CDH4: variants seen among roughly 807,000 people sequenced by gnomAD.
The protein encoded by CDH4 is cadherin-4.
A neutral mutation model predicts 86.0 loss-of-function variants in CDH4; 33 were observed. The observed-to-expected ratio is 0.38, with a 90% CI of 0.29 to 0.51. The LOEUF (loss-of-function observed/expected upper bound fraction) is 0.51, where lower values mean the gene tolerates loss of function less well. Among genes scored for constraint, CDH4 ranks in the 20% least tolerant of loss-of-function variants. The pLI, the probability that CDH4 is intolerant of heterozygous loss-of-function variation, is 0.86. For missense variants in CDH4, 1,114 were observed against 1,307.4 expected (o/e 0.85, Z 2.28); for synonymous variants, 555 against 549.4 (o/e 1.01, Z -0.14).
At chr20:61,660,331 T>A (rs560025440) in intron 2 of CDH4, among the ~76,000 whole-genome samples, 2 of 152,312 alleles carry the variant, frequency 1.3e-5, no homozygotes, top group East Asian at 3.9e-4. Flanking sequence ...ACAAAGAGTG[T>A]TTAATAACTA....
At chr20:61,791,035 G>A (rs546351430) in intron 4 of CDH4, among the ~76,000 whole-genome samples, 1 of 152,262 alleles carries the variant, frequency 6.6e-6, no homozygotes, top group Admixed American at 6.5e-5. Flanking sequence ...CAGAACTCTG[G>A]CATAACCACA....
At chr20:61,399,698 C>T (rs960715637) in intron 2 of CDH4, among the ~76,000 whole-genome samples, 3 of 152,352 alleles carry the variant, frequency 2.0e-5, no homozygotes, top group South Asian at 2.1e-4. Flanking sequence ...CCATCACCCA[C>T]GAAGCACTTG....
chr20:61,868,246 TG>T (rs1983637937), intron 6 of CDH4, among the ~76,000 whole-genome samples: 3 of 152,104 alleles, frequency 2.0e-5, no homozygotes, highest in Admixed American at 2.0e-4. Context: ...GCGGGCATCC[TG>T]GGGCCGTCTG....
intron 1 of CDH4, among the ~76,000 whole-genome samples, chr20:61,253,116 G>A (rs968799328): frequency 5.3e-5 from 8 of 151,580 alleles, no homozygotes; most frequent in Non-Finnish European, 8.8e-5. Flanking sequence ...GGTGCCGGCA[G>A]GACCCGCGCT....
intron 4 of CDH4, among the ~76,000 whole-genome samples, chr20:61,776,962 A>T (rs1352494443): frequency 6.6e-6 from 1 of 152,142 alleles, no homozygotes; most frequent in African/African-American, 2.4e-5. Flanking sequence ...TAAAGATGAG[A>T]TCAGCCTGTG....
At chr20:61,564,974 A>T (rs924220095) in intron 2 of CDH4, among the ~76,000 whole-genome samples, 2 of 151,204 alleles carry the variant, frequency 1.3e-5, no homozygotes, top group African/African-American at 2.4e-5. Context: ...GGATTAAAAA[A>T]TATCACAGGA....
At chr20:61,317,572 A>T (rs1377741527) in intron 2 of CDH4, among the ~76,000 whole-genome samples, 1 of 152,100 alleles carries the variant, frequency 6.6e-6, no homozygotes, top group Non-Finnish European at 1.5e-5. Context: ...CGCCACAGGC[A>T]TGGGGGGCTG....
rs112125891 is a variant in CDH4 at position 61,257,768 on chromosome 20, C to T, written c.169+2831C>T. On this transcript the variant is annotated intron_variant, in intron 2 of 15. Coordinates refer to ENST00000614565, the MANE Select transcript of CDH4 (RefSeq NM_001794.5). ...TGCTTTGTTAATAATTAATGGCCAG[C>T]CCGCCCGGAAGCTGCAGCCTGGTAC... Among the ~76,000 whole-genome samples, 329 of 152,356 alleles carry T rather than the reference C, an allele frequency of 2.2e-3. 3 individuals are homozygous for T. Among genetic ancestry groups the T allele is most frequent in the African/African-American group, 7.3e-3 (305 of 41,578 alleles).
chr20:61,907,378 G>A lies in CDH4; in HGVS notation c.1189-3044G>A, dbSNP rs894948647. Among the ~76,000 whole-genome samples, 8 of 152,306 alleles carry A rather than the reference G, an allele frequency of 5.3e-5. No homozygotes were observed. The East Asian group carries it at 1.5e-3, about 29-fold the overall frequency. On this transcript the variant is annotated intron_variant, in intron 8 of 15. Transcript: ENST00000614565. ...CCGCCCAGGATCCCGTGTGGCCACAGCCTCAGCAAGGGCTGTCCTCTCACA... is the reference window on the plus strand; with the variant it reads ...CCGCCCAGGATCCCGTGTGGCCACAACCTCAGCAAGGGCTGTCCTCTCACA...
rs112904480 is a variant in CDH4 at position 61,350,527 on chromosome 20, A to G, written c.169+95590A>G. On this transcript the variant is annotated intron_variant, in intron 2 of 15. Transcript: ENST00000614565. ...CCCCCAGTGCTGCAGAGGCCAGCGG[A>G]ACACCTCTGACCTTGCCTCTCCCAC... is the stretch of plus-strand genomic sequence containing the variant. Among the ~76,000 whole-genome samples, 269 of 105,080 alleles carry G rather than the reference A, an allele frequency of 2.6e-3. 4 individuals carry two copies. The highest frequency in any genetic ancestry group is 4.0e-3 in the Non-Finnish European group (208 of 51,692). 68.9% of individuals were successfully genotyped at this position (105,080 alleles called of 152,430 possible).
intron 2 of CDH4, among the ~76,000 whole-genome samples, chr20:61,492,436 T>G (rs562664019): frequency 1.2e-4 from 18 of 152,110 alleles, no homozygotes; most frequent in African/African-American, 3.1e-4. Context: ...GATGCTGATG[T>G]TGGTGGTGTC....
At chr20:61,559,509 ATTTTTTTTTC>A (rs2086200494) in intron 2 of CDH4, among the ~76,000 whole-genome samples, 1 of 107,808 alleles carries the variant, frequency 9.3e-6, no homozygotes. Flanking sequence ...TTTCTTTTTA[ATTTTTTTTTC>A]TTTTTTTTTT....
chr20:61,773,192 G>C lies in CDH4; in HGVS notation c.576+10G>C. On this transcript the variant is annotated intron_variant, in intron 4 of 15. Coordinates refer to ENST00000614565, the MANE Select transcript of CDH4 (RefSeq NM_001794.5). ...GCAGCAGCTCGTGAGGGTGAGTGCA[G>C]ACCCCTCCCGCGGGCACGGGGGTCT... 1 of 1,530,680 alleles carries C rather than the reference G, an allele frequency of 6.5e-7. No individual in the cohort carries two copies. The highest frequency in any genetic ancestry group is 8.8e-7 in the Non-Finnish European group (1 of 1,131,404). The allele number at this position is 1,530,680 out of a possible 1,614,324, so 94.8% of individuals were successfully genotyped here. A position where few individuals can be genotyped will look rare whatever the true frequency, so the allele number is the denominator to read the frequency against.
chr20:61,786,717 AT>A, intron 4 of CDH4, among the ~76,000 whole-genome samples: 1 of 152,214 alleles, frequency 6.6e-6, no homozygotes, highest in Non-Finnish European at 1.5e-5. Context: ...CAGGGATTTA[AT>A]TTTGTCACTG....
intron 4 of CDH4, among the ~76,000 whole-genome samples, chr20:61,806,986 C>T (rs1980173658): frequency 6.6e-6 from 1 of 152,204 alleles, no homozygotes. Context: ...CACAGCTACA[C>T]TTTGACAGGG....
rs2085832832 is a variant in CDH4 at position 61,517,756 on chromosome 20, C to T, written c.170-225807C>T. 6.6e-6 allele frequency among the ~76,000 whole-genome samples: 1 copy of T among 152,218 alleles called. No individual in the cohort carries two copies. The highest frequency in any genetic ancestry group is 2.4e-5 in the African/African-American group (1 of 41,460). On this transcript the variant is annotated intron_variant, in intron 2 of 15. Transcript: ENST00000614565. This position sits in a 1 kb window ranked among gnomAD's most constrained non-coding sequence, Gnocchi z 6.6. ...AGGTCACCATTCGTCTTATTCTTGTCAGCTATTATATGTCTGATTTTATGG... is the reference window on the plus strand; with the variant it reads ...AGGTCACCATTCGTCTTATTCTTGTTAGCTATTATATGTCTGATTTTATGG...
At chr20:61,343,617 G>A (rs560330045) in intron 2 of CDH4, among the ~76,000 whole-genome samples, 11 of 152,116 alleles carry the variant, frequency 7.2e-5, no homozygotes, top group Admixed American at 2.0e-4. Context: ...TTGTGCTTGC[G>A]GTAACAAATG....
At chr20:61,934,316 C>T (rs1011160776) in intron 15 of CDH4, 96 bp downstream of exon 15, 241 of 1,351,514 alleles carry the variant, frequency 1.8e-4, no homozygotes, top group East Asian at 5.5e-5. Flanking sequence ...ACAGTGCCGG[C>T]GGCTGCCGTG....
At chr20:61,933,996 T>C (rs73917153) in intron 14 of CDH4, 60 bp from the exon 15 acceptor site, 18,762 of 1,585,390 alleles carry the variant, frequency 0.012, 202 homozygotes, top group African/African-American at 0.06. Context: ...GGATGCAGGG[T>C]GGAAGGGGGG....
Sources: gnomAD v4.1 joint callset for allele counts (sites outside exome capture counted in the v4.1 genomes callset) on GRCh38, gnomAD v4.1.1 for gene constraint, Gnocchi (gnomAD v3.1) non-coding constraint, MANE v1.5 for transcripts, NCBI Gene and HGNC (gene_info 2026-07-23, HGNC 2026-07-21) for gene names.